Variants in UPK1B observed in about 807,000 individuals in gnomAD.
The protein encoded by UPK1B is uroplakin 1B.
A neutral mutation model predicts 34.2 loss-of-function variants in UPK1B; 28 were observed. The observed-to-expected ratio is 0.82, with a 90% CI of 0.61 to 1.12. The LOEUF (loss-of-function observed/expected upper bound fraction) is 1.12, where lower values mean the gene tolerates loss of function less well. UPK1B is among the 50% of genes most tolerant of loss of function. The pLI, the probability that UPK1B is intolerant of heterozygous loss-of-function variation, is 0.00. For missense variants in UPK1B, 325 were observed against 320.9 expected (o/e 1.01, Z -0.10); for synonymous variants, 81 against 110.4 (o/e 0.73, Z 1.67).
intron 5 of UPK1B, 114 bp from the exon 6 acceptor site, chr3:119,194,105 T>C (rs2078055892): frequency 5.9e-6 from 6 of 1,010,650 alleles, no homozygotes; most frequent in Admixed American, 5.7e-5. Context: ...TCTTAGTAAA[T>C]GTAAGATATG....
At chr3:119,176,187 G>T (rs968692203) in intron 1 of UPK1B, 1 of 151,864 alleles carries the variant, frequency 6.6e-6, no homozygotes, top group Non-Finnish European at 1.5e-5. Context: ...TTTCTCCTTT[G>T]TTAATTCAAA....
At chr3:119,189,718 G>A (rs1002007389) in intron 3 of UPK1B, among the ~76,000 whole-genome samples, 7 of 152,198 alleles carry the variant, frequency 4.6e-5, no homozygotes, top group African/African-American at 1.4e-4. Context: ...TGTTAGGAAG[G>A]ACCCTAGATG....
intron 1 of UPK1B, among the ~76,000 whole-genome samples, chr3:119,183,279 T>G (rs1047609713): frequency 6.6e-6 from 1 of 151,728 alleles, no homozygotes; most frequent in South Asian, 2.1e-4. Context: ...TTGTTTTTTT[T>G]TTTTTTGGAG....
At chr3:119,175,970 A>G (rs1360025771) in intron 1 of UPK1B, 2 of 152,260 alleles carry the variant, frequency 1.3e-5, no homozygotes, top group African/African-American at 2.4e-5. Context: ...CAGCCCTGGG[A>G]GAAACCTCCT....
At chr3:119,190,091 C>T (rs550222463) in intron 3 of UPK1B, among the ~76,000 whole-genome samples, 154 bp from the exon 4 acceptor site, 2 of 152,324 alleles carry the variant, frequency 1.3e-5, no homozygotes, top group Non-Finnish European at 2.9e-5. Flanking sequence ...CACCAAGCCT[C>T]AATCCAAGCC....
chr3:119,191,381 C>T (rs1253036631), intron 5 of UPK1B, among the ~76,000 whole-genome samples: 1 of 152,174 alleles, frequency 6.6e-6, no homozygotes, highest in Non-Finnish European at 1.5e-5. Flanking sequence ...CTTCACAACT[C>T]CTGTGAGCTA....
chr3:119,175,150 C>T (rs1408828772), intron 1 of UPK1B, among the ~76,000 whole-genome samples: 1 of 150,206 alleles, frequency 6.7e-6, no homozygotes, highest in Non-Finnish European at 1.5e-5. Context: ...GCCTCAGCCT[C>T]CCGAGTAGCT....
chr3:119,203,929 C>A lies in UPK1B; in HGVS notation c.745C>A (p.Leu249Met), dbSNP rs1233034570. 3.1e-6 allele frequency: 5 copies of A among 1,614,032 alleles called. No individual in the cohort carries two copies. The change falls in exon 8 of 8, where the codon CTG becomes ATG. Residue 249 changes from leucine to methionine, a missense_variant. Leu to Met is a conservative substitution (Grantham distance 15). Transcript: ENST00000264234. ...TTTTCTATTCCAGTTTTGGGTTCTC[C>A]TGGGTACCATGTTCTACTGGAGCAG... The part of the protein sequence containing the change: ...AILCWTFWVL[L>M]GTMFYWSRIE...
intron 3 of UPK1B, among the ~76,000 whole-genome samples, chr3:119,189,655 C>T (rs545559358): frequency 6.6e-6 from 1 of 152,328 alleles, no homozygotes; most frequent in Admixed American, 6.5e-5. Context: ...GAAAGAACAC[C>T]CACAAATGCT....
chr3:119,179,901 C>A (rs1452601081), intron 1 of UPK1B, among the ~76,000 whole-genome samples: 1 of 144,024 alleles, frequency 6.9e-6, no homozygotes, highest in African/African-American at 2.6e-5. Flanking sequence ...CCCGTTCAAG[C>A]GATTCTCCCG....
chr3:119,179,122 G>A (rs948943287), intron 1 of UPK1B, among the ~76,000 whole-genome samples: 8 of 151,822 alleles, frequency 5.3e-5, no homozygotes, highest in African/African-American at 1.9e-4. Context: ...GAGGACAGGA[G>A]TTCAAGACCA....
At chr3:119,202,689 T>A (rs1054170387) in intron 7 of UPK1B, among the ~76,000 whole-genome samples, 1 of 152,120 alleles carries the variant, frequency 6.6e-6, no homozygotes, top group African/African-American at 2.4e-5. Context: ...AAGTCAGATA[T>A]CTTGAGTTCT....
Position 119,194,207 on chromosome 3 carries a change from A to G in UPK1B, c.469-12A>G, listed in dbSNP as rs4284973. ...CACGAAAGAGAATTTTGTATCTCTCATCTGCTGACAGGACAATTGCTGTGG... is the reference window on the plus strand; with the variant it reads ...CACGAAAGAGAATTTTGTATCTCTCGTCTGCTGACAGGACAATTGCTGTGG... On this transcript the variant is annotated splice_polypyrimidine_tract_variant and intron_variant, in intron 5 of 7. Transcript: ENST00000264234. 0.048 allele frequency: 77,263 copies of G among 1,612,740 alleles called. 3,059 individuals are homozygous for G. Among genetic ancestry groups the G allele is most frequent in the Admixed American group, 0.21 (12,685 of 59,780 alleles).
At position 119,173,648 on chromosome 3, in the gene UPK1B, CCG is replaced by C. The variant is rs1245847622; in HGVS notation, c.-29+12_-29+13del. 6.6e-6 allele frequency: 1 copy of C among 152,254 alleles called. No individual in the cohort carries two copies. Among genetic ancestry groups the C allele is most frequent in the African/African-American group, 2.4e-5 (1 of 41,446 alleles). 9.4% of individuals were successfully genotyped at this position (152,254 alleles called of 1,614,324 possible). ...AGAAAGAGGAGGCGCTGTGAGTAGA[CCG>C]CTTTCCCTCTGCAGGGAATCTCCCG... On this transcript the variant is annotated intron_variant, in intron 1 of 7. Coordinates refer to ENST00000264234, the MANE Select transcript of UPK1B (RefSeq NM_006952.4).
At chr3:119,186,944 T>A in intron 2 of UPK1B, 134 bp downstream of exon 2, 1 of 857,686 alleles carries the variant, frequency 1.2e-6, no homozygotes, top group Non-Finnish European at 1.8e-6. Context: ...TTTTAAGAAA[T>A]GTGTTAGTAA....
intron 2 of UPK1B, 48 bp from the exon 3 acceptor site, chr3:119,187,727 T>G: frequency 3.9e-6 from 6 of 1,523,076 alleles, no homozygotes; most frequent in Non-Finnish European, 5.5e-6. Flanking sequence ...TCCACCCCCT[T>G]TCCCAAAGCT....
intron 3 of UPK1B, among the ~76,000 whole-genome samples, chr3:119,188,298 AGGAGAGACACAGT>A (rs2078028887): frequency 6.6e-6 from 1 of 152,246 alleles, no homozygotes; most frequent in African/African-American, 2.4e-5. Flanking sequence ...TATAGGCCAA[AGGAGAGACACAGT>A]GAGAATTCAT....
intron 1 of UPK1B, among the ~76,000 whole-genome samples, chr3:119,179,352 G>GAT (rs60685268): frequency 5.0e-3 from 234 of 46,812 alleles, no homozygotes; most frequent in Middle Eastern, 0.01. Context: ...GAGAGAGGGA[G>GAT]ATATATATAT....
Position 119,176,623 on chromosome 3 carries a change from T to C in UPK1B, c.-29+2985T>C, listed in dbSNP as rs371854241. Among the ~76,000 whole-genome samples, 8 of 152,294 alleles carry C rather than the reference T, an allele frequency of 5.3e-5. No homozygotes were observed. The East Asian group carries it at 1.2e-3, about 22-fold the overall frequency. ...GGGCTATTCCTTTACATGGAAAATA[T>C]TTCGAGGTGAGTTGCGTACTTTCAG... On this transcript the variant is annotated intron_variant, in intron 1 of 7. Transcript: ENST00000264234.
Sources: allele counts gnomAD v4.1 joint callset (sites outside exome capture counted in the v4.1 genomes callset), GRCh38; gene constraint gnomAD v4.1.1; transcripts MANE v1.5; gene names NCBI Gene and HGNC (gene_info 2026-07-23, HGNC 2026-07-21).